Variants in DDX10 observed in about 807,000 individuals in gnomAD.
DDX10 encodes the protein DEAD-box helicase 10, also known as probable ATP-dependent RNA helicase DDX10.
DDX10 carries 74 observed loss-of-function variants against 104.3 expected under a neutral mutation model. That is an observed-to-expected ratio of 0.71 (90% CI 0.59 to 0.86). DDX10 has a LOEUF of 0.86. Among genes scored for constraint, DDX10 ranks in the 40% least tolerant of loss-of-function variants. The pLI is 0.00. For synonymous variants in DDX10, 351 were observed against 353.4 expected (o/e 0.99, Z 0.08); for missense variants, 952 against 1,040.0 (o/e 0.92, Z 1.16).
intron 16 of DDX10, among the ~76,000 whole-genome samples, chr11:108,856,910 G>T (rs185304385): frequency 7.4e-6 from 1 of 134,456 alleles, no homozygotes; most frequent in East Asian, 2.3e-4. Flanking sequence ...GTTCCATTTA[G>T]TCCTCATCCA....
At position 108,869,181 on chromosome 11, in the gene DDX10, C is replaced by A. The variant is rs187596938; in HGVS notation, c.2304+16972C>A. ...ACACAATTCTAAACTCTGGTTCTTT[C>A]ATTTTTAAACCCGTTGTTTTTTTTT... is the stretch of plus-strand genomic sequence containing the variant. On this transcript the variant is annotated intron_variant, in intron 16 of 17. Coordinates refer to ENST00000322536, the MANE Select transcript of DDX10 (RefSeq NM_004398.4). Among the ~76,000 whole-genome samples the A allele has an allele frequency of 2.5e-3, 298 of 119,806 alleles. 1 individual carries two copies. Among genetic ancestry groups the A allele is most frequent in the African/African-American group, 8.0e-3 (267 of 33,270 alleles). 78.6% of individuals were successfully genotyped at this position (119,806 alleles called of 152,430 possible). A position where few individuals can be genotyped will look rare whatever the true frequency, so the allele number is the denominator to read the frequency against.
intron 16 of DDX10, among the ~76,000 whole-genome samples, chr11:108,877,740 A>C (rs1200139372): frequency 5.3e-5 from 8 of 152,222 alleles, no homozygotes. Flanking sequence ...TGTGGAAGGC[A>C]CTTAAATAGC....
chr11:108,677,312 G>A, intron 4 of DDX10, 69 bp downstream of exon 4: 1 of 1,413,220 alleles, frequency 7.1e-7, no homozygotes, highest in Non-Finnish European at 9.7e-7. Context: ...GCCGATGACA[G>A]GGAGGCAGCA....
chr11:108,895,407 A>C (rs1166490360), intron 16 of DDX10, among the ~76,000 whole-genome samples: 1 of 151,910 alleles, frequency 6.6e-6, no homozygotes, highest in Non-Finnish European at 1.5e-5. Flanking sequence ...CTAAACTCTG[A>C]GTGTTATTTC....
intron 16 of DDX10, among the ~76,000 whole-genome samples, chr11:108,865,631 C>T (rs150868398): frequency 6.6e-6 from 1 of 151,904 alleles, no homozygotes; most frequent in South Asian, 2.1e-4. Context: ...CATAGAGGAT[C>T]TCGAATACCA....
At chr11:108,726,961 C>T (rs1413646361) in intron 13 of DDX10, among the ~76,000 whole-genome samples, 1 of 151,914 alleles carries the variant, frequency 6.6e-6, no homozygotes, top group Non-Finnish European at 1.5e-5. Flanking sequence ...TGGTTTTTAG[C>T]CTGTTGATTA....
chr11:108,868,963 A>C (rs1425452801), intron 16 of DDX10, among the ~76,000 whole-genome samples: 2 of 101,252 alleles, frequency 2.0e-5, no homozygotes, highest in African/African-American at 7.2e-5. Flanking sequence ...ATTAAGAATT[A>C]AGCTTTTTTT....
At chr11:108,828,209 G>A (rs771761348) in intron 13 of DDX10, among the ~76,000 whole-genome samples, 2 of 152,008 alleles carry the variant, frequency 1.3e-5, no homozygotes, top group Non-Finnish European at 2.9e-5. Flanking sequence ...TTATTTACAT[G>A]AATAGGTTCT....
intron 6 of DDX10, among the ~76,000 whole-genome samples, chr11:108,687,607 TC>T (rs1565247255): frequency 6.6e-6 from 1 of 152,242 alleles, no homozygotes; most frequent in Non-Finnish European, 1.5e-5. Flanking sequence ...TTGGCCTCCT[TC>T]CCCCTTTTAA....
chr11:108,838,339 G>T, intron 13 of DDX10, 107 bp from the exon 14 acceptor site: 1 of 1,178,052 alleles, frequency 8.5e-7, no homozygotes, highest in Non-Finnish European at 1.2e-6. Context: ...ATTAGCCAAT[G>T]AGTAATAAAT....
chr11:108,678,903 A>AGCTCT (rs1289955936), intron 5 of DDX10, among the ~76,000 whole-genome samples: 1 of 98,266 alleles, frequency 1.0e-5, no homozygotes, highest in African/African-American at 4.0e-5. Context: ...TTTTATACAG[A>AGCTCT]GTTTCGCTCT....
At chr11:108,795,244 A>C (rs1454192599) in intron 13 of DDX10, among the ~76,000 whole-genome samples, 1 of 124,856 alleles carries the variant, frequency 8.0e-6, no homozygotes, top group Non-Finnish European at 1.7e-5. Flanking sequence ...GTGTAGCAGC[A>C]TTTTTTTTTC....
intron 6 of DDX10, among the ~76,000 whole-genome samples, 175 bp from the exon 7 acceptor site, chr11:108,688,761 A>G (rs2094248002): frequency 6.6e-6 from 1 of 152,176 alleles, no homozygotes; most frequent in African/African-American, 2.4e-5. Context: ...TTTTAAAGTA[A>G]TGTGTTGAAT....
At chr11:108,827,976 A>G (rs1862418717) in intron 13 of DDX10, among the ~76,000 whole-genome samples, 1 of 152,178 alleles carries the variant, frequency 6.6e-6, no homozygotes, top group Non-Finnish European at 1.5e-5. Flanking sequence ...GCAGTTCAGT[A>G]GTGTTAAGTG....
intron 16 of DDX10, among the ~76,000 whole-genome samples, chr11:108,910,484 C>A (rs1382664578): frequency 6.6e-6 from 1 of 152,068 alleles, no homozygotes; most frequent in African/African-American, 2.4e-5. Flanking sequence ...TTATCAAAAC[C>A]AAAACAAAAA....
chr11:108,673,498 A>AT lies in DDX10; in HGVS notation c.222dup (p.Pro75SerfsTer20), dbSNP rs1375365396. ...GTAAATGAAATCACAAGATTTTCAG[A>AT]TTTTCCCTTGTCCAAAAAAACATTG... On this transcript the variant is annotated frameshift_variant, in exon 2 of 18. Transcript: ENST00000322536. LOFTEE classifies it high-confidence loss of function. 4 of 1,599,402 alleles carry AT rather than the reference A, an allele frequency of 2.5e-6. No individual in the cohort carries two copies. The highest frequency in any genetic ancestry group is 3.3e-5 in the Admixed American group (2 of 59,702).
In DDX10 at chr11:108,917,856, T is replaced by A. The variant is rs982471168; in HGVS notation, c.2305-17T>A. 16 of 1,605,780 alleles carry A rather than the reference T, an allele frequency of 1.0e-5. No homozygotes were observed. Among genetic ancestry groups the A allele is most frequent in the Non-Finnish European group, 1.3e-5 (15 of 1,176,796 alleles). ...CTGACTTCTTCAACTGCAGTTTCCC[T>A]TATTATTATTTTTTAGGCCAAAGAT... is the stretch of plus-strand genomic sequence containing the variant. On this transcript the variant is annotated splice_polypyrimidine_tract_variant and intron_variant, in intron 16 of 17. Coordinates refer to ENST00000322536, the MANE Select transcript of DDX10 (RefSeq NM_004398.4).
intron 1 of DDX10, among the ~76,000 whole-genome samples, chr11:108,673,070 A>T (rs758397984): frequency 6.6e-6 from 1 of 152,230 alleles, no homozygotes; most frequent in African/African-American, 2.4e-5. Flanking sequence ...AACTATTTTC[A>T]TTGTGATCTG....
intron 1 of DDX10, 142 bp from the exon 2 acceptor site, chr11:108,673,325 A>G: frequency 3.2e-6 from 2 of 632,960 alleles, no homozygotes; most frequent in Non-Finnish European, 5.6e-6. Flanking sequence ...TCGTTACAGA[A>G]GGAATGATGG....
Sources: allele counts gnomAD v4.1 joint callset (sites outside exome capture counted in the v4.1 genomes callset), GRCh38; gene constraint gnomAD v4.1.1; transcripts MANE v1.5; gene names NCBI Gene and HGNC (gene_info 2026-07-23, HGNC 2026-07-21).